KCNJ5: variants seen among roughly 807,000 people sequenced by gnomAD.
KCNJ5 encodes potassium inwardly rectifying channel subfamily J member 5, also known as G protein-activated inward rectifier potassium channel 4.
Under a neutral mutation model 20.2 loss-of-function variants are expected in KCNJ5, and 12 were observed. The observed-to-expected ratio is 0.59, with a 90% CI of 0.38 to 0.96. The LOEUF (loss-of-function observed/expected upper bound fraction) is 0.96. Ranked by LOEUF, KCNJ5 falls within the 40% of genes least tolerant of loss-of-function variation. The probability of loss-of-function intolerance (pLI) is 0.00; values close to 1 mark genes in which losing one functional copy is unlikely to be tolerated. For missense variants in KCNJ5, 449 were observed against 557.6 expected (o/e 0.81, Z 1.96); for synonymous variants, 210 against 213.9 (o/e 0.98, Z 0.16).
intron 1 of KCNJ5, chr11:128,902,768 C>G (rs984436184): frequency 6.5e-7 from 1 of 1,532,510 alleles, no homozygotes; most frequent in Non-Finnish European, 8.8e-7. Context: ...TACCACAACT[C>G]TTAACAGCAC....
At chr11:128,902,760 C>T (rs1296635000) in intron 1 of KCNJ5, 2 of 1,554,782 alleles carry the variant, frequency 1.3e-6, no homozygotes, top group East Asian at 4.5e-5. Context: ...AGTGGCACTA[C>T]CACAACTCTT....
In KCNJ5 at chr11:128,918,052, C is replaced by G. The variant is rs1184505455; in HGVS notation, c.*1321C>G. 1.8e-5 allele frequency: 2 copies of G among 111,162 alleles called. No homozygotes were observed. The highest frequency in any genetic ancestry group is 3.6e-5 in the African/African-American group (1 of 27,520). 6.9% of individuals were successfully genotyped at this position (111,162 alleles called of 1,614,324 possible). A position where few individuals can be genotyped will look rare whatever the true frequency, so the allele number is the denominator to read the frequency against. ...CCTGGGCGACAGAGCGAGACTCCATCTCAAAAAAAAAAAAAACATCAGCAT... is the reference window on the plus strand; with the variant it reads ...CCTGGGCGACAGAGCGAGACTCCATGTCAAAAAAAAAAAAAACATCAGCAT... On this transcript the variant is annotated 3_prime_UTR_variant, in exon 3 of 3. Coordinates refer to ENST00000529694, the MANE Select transcript of KCNJ5 (RefSeq NM_000890.5).
chr11:128,895,386 C>CCT (rs1555142476), intron 1 of KCNJ5, among the ~76,000 whole-genome samples: 1 of 149,876 alleles, frequency 6.7e-6, no homozygotes, highest in Non-Finnish European at 1.5e-5. Context: ...GCCCCCACCC[C>CCT]CCCCCCAACC....
chr11:128,899,197 C>T (rs1241225902), intron 1 of KCNJ5, among the ~76,000 whole-genome samples: 1 of 152,192 alleles, frequency 6.6e-6, no homozygotes, highest in Non-Finnish European at 1.5e-5. Flanking sequence ...GACTCACCCT[C>T]CTGCACCTCA....
chr11:128,896,907 G>A, intron 1 of KCNJ5, among the ~76,000 whole-genome samples: 1 of 151,726 alleles, frequency 6.6e-6, no homozygotes. Flanking sequence ...TTTTTTCGAA[G>A]AACTGTCCAG....
chr11:128,898,172 TTATCTA>T lies in KCNJ5; in HGVS notation c.-11+6460_-11+6465del, dbSNP rs1944206155. ...TTTTCACATAAGTTTTAGAATAATTTTATCTATATCTATAAAAAATCTTGTGAGATT... is the reference window on the plus strand; with the variant it reads ...TTTTCACATAAGTTTTAGAATAATTTTATCTATAAAAAATCTTGTGAGATT... On this transcript the variant is annotated intron_variant, in intron 1 of 2. Transcript: ENST00000529694. 2.6e-5 allele frequency among the ~76,000 whole-genome samples: 4 copies of T among 152,382 alleles called. No homozygotes were observed. The South Asian group carries it at 8.3e-4, about 32-fold the overall frequency.
At chr11:128,905,323 A>C (rs954646242) in intron 1 of KCNJ5, among the ~76,000 whole-genome samples, 1 of 151,354 alleles carries the variant, frequency 6.6e-6, no homozygotes, top group African/African-American at 2.4e-5. Flanking sequence ...GCAGCTGGCC[A>C]GGGGGCCACA....
At chr11:128,904,291 C>T (rs1822026255) in intron 1 of KCNJ5, 1 of 1,310,104 alleles carries the variant, frequency 7.6e-7, no homozygotes, top group African/African-American at 1.5e-5. Flanking sequence ...CTCGCCCACC[C>T]CAGACAAGCC....
chr11:128,916,364 G>C (rs1164033291), intron 2 of KCNJ5, 45 bp from the exon 3 acceptor site: 1 of 1,379,528 alleles, frequency 7.2e-7, no homozygotes, highest in Non-Finnish European at 1.0e-6. Context: ...ATGGATAGAT[G>C]GATGGATGAT....
intron 1 of KCNJ5, chr11:128,903,350 C>T: frequency 6.2e-7 from 1 of 1,613,700 alleles, no homozygotes; most frequent in Non-Finnish European, 8.5e-7. Context: ...AGAACGCGAT[C>T]CGGCAGCTGC....
rs540944874 is a variant in KCNJ5, at chr11:128,894,752, G to A, written c.-11+3031G>A. On this transcript the variant is annotated intron_variant, in intron 1 of 2. Coordinates refer to ENST00000529694, the MANE Select transcript of KCNJ5 (RefSeq NM_000890.5). ...TCTGCCAGCCAGGGCTGGCGTGAGC[G>A]GCTGCCTCTGAAGGCCCTGCCTGTG... is the stretch of plus-strand genomic sequence containing the variant. Among the ~76,000 whole-genome samples, 26 of 152,310 alleles carry A rather than the reference G, an allele frequency of 1.7e-4. No individual in the cohort carries two copies. In the East Asian group the frequency reaches 4.4e-3, roughly 26 times the overall value.
Position 128,911,193 on chromosome 11 carries a change from G to A in KCNJ5, c.-10-71G>A. ...AGCCTGGGAGAGCCCCGGGGTGGGG[G>A]TGGCCTTCCATCTTGTGTTCTAGTG... is the stretch of plus-strand genomic sequence containing the variant. On this transcript the variant is annotated intron_variant, in intron 1 of 2. Transcript: ENST00000529694. The surrounding 1 kb of genome is among the most constrained non-coding windows in gnomAD (Gnocchi z 6.3). 7.9e-7 allele frequency: 1 copy of A among 1,259,246 alleles called. No homozygotes were observed. Among genetic ancestry groups the A allele is most frequent in the Non-Finnish European group, 1.2e-6 (1 of 865,598 alleles). 78.0% of individuals were successfully genotyped at this position (1,259,246 alleles called of 1,614,324 possible).
At chr11:128,899,840 A>C (rs1944241274) in intron 1 of KCNJ5, 1 of 152,226 alleles carries the variant, frequency 6.6e-6, no homozygotes, top group Non-Finnish European at 1.5e-5. Flanking sequence ...CAAGTAAGCC[A>C]AGCGAGGTAT....
At chr11:128,912,573 C>T (rs930548678) in intron 2 of KCNJ5, among the ~76,000 whole-genome samples, 24 of 152,118 alleles carry the variant, frequency 1.6e-4, no homozygotes, top group African/African-American at 2.2e-4. Context: ...TGCAGTGGCC[C>T]GATCTCGGCT....
chr11:128,914,939 G>A (rs1209906128), intron 2 of KCNJ5, among the ~76,000 whole-genome samples: 1 of 152,236 alleles, frequency 6.6e-6, no homozygotes, highest in African/African-American at 2.4e-5. Context: ...AAGGCTGTGG[G>A]GACAACAAGG....
chr11:128,893,890 C>T lies in KCNJ5; in HGVS notation c.-11+2169C>T, dbSNP rs115856194. ...GGTCCAGCAGAGACACGTGTGTGGC[C>T]CTGTCACAGCAGTACTCAGCCTCGC... On this transcript the variant is annotated intron_variant, in intron 1 of 2. Transcript: ENST00000529694. Among the ~76,000 whole-genome samples the T allele has an allele frequency of 4.1e-3, 629 of 152,334 alleles. 9 individuals carry two copies. The highest frequency in any genetic ancestry group is 0.014 in the African/African-American group (587 of 41,572).
rs553502320 is a variant in KCNJ5, at chr11:128,906,736, G to T, written c.-10-4528G>T. ...TCTAATAATTTGAATCTCTTACTTC[G>T]GGAAAAGCCCAATCCCTTCAAAGGG... On this transcript the variant is annotated intron_variant, in intron 1 of 2. Coordinates refer to ENST00000529694, the MANE Select transcript of KCNJ5 (RefSeq NM_000890.5). Among the ~76,000 whole-genome samples the T allele has an allele frequency of 7.9e-5, 12 of 152,242 alleles. No individual in the cohort carries two copies. The East Asian group carries it at 2.1e-3, about 27-fold the overall frequency.
intron 1 of KCNJ5, among the ~76,000 whole-genome samples, chr11:128,896,606 G>GT (rs752084942): frequency 2.1e-3 from 293 of 139,894 alleles, no homozygotes; most frequent in African/African-American, 5.3e-3. Flanking sequence ...TGCTTGTTGG[G>GT]GGTGTGTGTG....
intron 2 of KCNJ5, among the ~76,000 whole-genome samples, chr11:128,914,166 C>A (rs569736629): frequency 1.2e-4 from 18 of 152,296 alleles, no homozygotes; most frequent in Non-Finnish European, 2.2e-4. Flanking sequence ...ACACAGGCTG[C>A]ATTTCAGGGG....
Sources: gnomAD v4.1 joint callset for allele counts (sites outside exome capture counted in the v4.1 genomes callset) on GRCh38, gnomAD v4.1.1 for gene constraint, Gnocchi (gnomAD v3.1) non-coding constraint, MANE v1.5 for transcripts, NCBI Gene and HGNC (gene_info 2026-07-23, HGNC 2026-07-21) for gene names.